Variants in POLR3B observed in about 807,000 individuals in gnomAD.
The protein encoded by POLR3B is DNA-directed RNA polymerase III subunit RPC2.
Under a neutral mutation model 147.4 loss-of-function variants are expected in POLR3B, and 96 were observed. The observed-to-expected ratio is 0.65, with a 90% CI of 0.55 to 0.77. The LOEUF (loss-of-function observed/expected upper bound fraction) is 0.77. Among genes scored for constraint, POLR3B ranks in the 30% least tolerant of loss-of-function variants. The pLI, the probability that POLR3B is intolerant of heterozygous loss-of-function variation, is 0.00. For missense variants in POLR3B, 1,036 were observed against 1,413.5 expected, an observed-to-expected ratio of 0.73 and a Z score of 4.28; for synonymous variants, 461 against 485.9, an observed-to-expected ratio of 0.95 and a Z score of 0.67.
At chr12:106,477,585 G>A (rs1041279292) in intron 23 of POLR3B, among the ~76,000 whole-genome samples, 1 of 151,954 alleles carries the variant, frequency 6.6e-6, no homozygotes, top group African/African-American at 2.4e-5. Context: ...TTTTTAAGCC[G>A]GTCTGAAAAG....
At chr12:106,448,169 T>G (rs1323481742) in intron 19 of POLR3B, among the ~76,000 whole-genome samples, 1 of 152,144 alleles carries the variant, frequency 6.6e-6, no homozygotes, top group East Asian at 1.9e-4. Flanking sequence ...GTTAAAAGTT[T>G]TTTTAATTAT....
At chr12:106,402,976 A>G (rs1437402765) in intron 10 of POLR3B, among the ~76,000 whole-genome samples, 1 of 152,084 alleles carries the variant, frequency 6.6e-6, no homozygotes, top group Non-Finnish European at 1.5e-5. Context: ...AATTAAACTA[A>G]AGAGCTTCTG....
At position 106,444,596 on chromosome 12, in the gene POLR3B, A is replaced by T. The variant is rs1403203510; in HGVS notation, c.2083+6A>T. On this transcript the variant is annotated splice_donor_region_variant and intron_variant, in intron 19 of 27. Coordinates refer to ENST00000228347, the MANE Select transcript of POLR3B (RefSeq NM_018082.6). Reference sequence around the variant, plus strand: ...CATGGGGAAACAAGCCATGGGTAAGATTTCCTTCTTGAAAGTTGGTTCTAA... The same window carrying T: ...CATGGGGAAACAAGCCATGGGTAAGTTTTCCTTCTTGAAAGTTGGTTCTAA... 6.2e-7 allele frequency: 1 copy of T among 1,613,598 alleles called. No homozygotes were observed. The highest frequency in any genetic ancestry group is 1.7e-5 in the Admixed American group (1 of 59,966).
At position 106,454,920 on chromosome 12, in the gene POLR3B, A is replaced by G. The variant is rs61941920; in HGVS notation, c.2293+209A>G. ...AATAATTTGTTAAACATACTACTAC[A>G]GAATATTTTTCTCCTTTATTATTTT... On this transcript the variant is annotated intron_variant, in intron 20 of 27. Coordinates refer to ENST00000228347, the MANE Select transcript of POLR3B (RefSeq NM_018082.6). Among the ~76,000 whole-genome samples, 38,509 of 152,090 alleles carry G rather than the reference A, an allele frequency of 0.25. 5,565 individuals are homozygous for G. Among genetic ancestry groups the G allele is most frequent in the African/African-American group, 0.39 (16,177 of 41,468 alleles).
chr12:106,378,913 A>T (rs2036719635), intron 8 of POLR3B, among the ~76,000 whole-genome samples: 1 of 152,166 alleles, frequency 6.6e-6, no homozygotes, highest in Non-Finnish European at 1.5e-5. Flanking sequence ...TTTCACGTGT[A>T]ATTTGAAATA....
chr12:106,478,302 A>G (rs905914723), intron 23 of POLR3B, among the ~76,000 whole-genome samples: 4 of 152,192 alleles, frequency 2.6e-5, no homozygotes, highest in Non-Finnish European at 5.9e-5. Flanking sequence ...TCTTTGTGCT[A>G]TAGCATTTTT....
intron 4 of POLR3B, among the ~76,000 whole-genome samples, chr12:106,367,772 T>C (rs887482368): frequency 4.6e-5 from 7 of 152,214 alleles, no homozygotes; most frequent in Non-Finnish European, 1.0e-4. Context: ...TTACTATTTT[T>C]CCTTTTGTAA....
intron 9 of POLR3B, among the ~76,000 whole-genome samples, chr12:106,382,360 G>T (rs2036775799): frequency 6.6e-6 from 1 of 152,078 alleles, no homozygotes; most frequent in Non-Finnish European, 1.5e-5. Context: ...TAACTATTAG[G>T]GTCTCTTGTA....
chr12:106,480,523 C>A (rs2038252072), intron 23 of POLR3B, among the ~76,000 whole-genome samples: 1 of 152,136 alleles, frequency 6.6e-6, no homozygotes, highest in African/African-American at 2.4e-5. Context: ...AGTGCATAGA[C>A]TTTAATTCCT....
intron 10 of POLR3B, among the ~76,000 whole-genome samples, chr12:106,393,422 G>T (rs2036938900): frequency 6.7e-6 from 1 of 148,270 alleles, no homozygotes; most frequent in Non-Finnish European, 1.5e-5. Context: ...AGGAAGTACT[G>T]TTTTTTTTTC....
chr12:106,444,627 T>G (rs1374255145), intron 19 of POLR3B, 37 bp downstream of exon 19: 1 of 1,607,332 alleles, frequency 6.2e-7, no homozygotes, highest in African/African-American at 1.3e-5. Flanking sequence ...TCTAAATACT[T>G]GGAAATACTT....
intron 23 of POLR3B, among the ~76,000 whole-genome samples, chr12:106,488,836 A>G (rs1565913139): frequency 6.6e-6 from 1 of 152,162 alleles, no homozygotes; most frequent in Non-Finnish European, 1.5e-5. Flanking sequence ...TTATTAGAAG[A>G]TTAACTACTC....
At chr12:106,415,763 GAA>G (rs1355798494) in intron 12 of POLR3B, among the ~76,000 whole-genome samples, 1 of 152,102 alleles carries the variant, frequency 6.6e-6, no homozygotes, top group Non-Finnish European at 1.5e-5. Flanking sequence ...TAAAATAGCA[GAA>G]GTCATTCTTA....
intron 9 of POLR3B, among the ~76,000 whole-genome samples, chr12:106,389,601 G>T (rs1470220529): frequency 6.8e-6 from 1 of 147,926 alleles, no homozygotes; most frequent in African/African-American, 2.5e-5. Flanking sequence ...AGGATTTCAG[G>T]TTTTTTTTTT....
chr12:106,443,042 A>G (rs1397541735), intron 18 of POLR3B, among the ~76,000 whole-genome samples: 3 of 152,236 alleles, frequency 2.0e-5, no homozygotes, highest in African/African-American at 7.2e-5. Context: ...CAAGCCACCT[A>G]TATAACCTCA....
chr12:106,393,649 C>T (rs1308161221), intron 10 of POLR3B, among the ~76,000 whole-genome samples: 3 of 151,720 alleles, frequency 2.0e-5, no homozygotes, highest in Admixed American at 2.0e-4. Flanking sequence ...CTTTGGACAG[C>T]AAGGAAAACC....
chr12:106,362,890 CTA>C (rs2036488050), intron 1 of POLR3B, among the ~76,000 whole-genome samples: 1 of 151,968 alleles, frequency 6.6e-6, no homozygotes, highest in Non-Finnish European at 1.5e-5. Context: ...GTTATGTGCT[CTA>C]TGTGGACATT....
At chr12:106,438,492 C>T (rs571312990) in intron 18 of POLR3B, among the ~76,000 whole-genome samples, 10 of 150,850 alleles carry the variant, frequency 6.6e-5, no homozygotes, top group African/African-American at 1.9e-4. Context: ...TATATAAAAC[C>T]ATATATATGT....
At chr12:106,457,057 AT>A (rs2037874330) in intron 20 of POLR3B, 80 bp from the exon 21 acceptor site, 1 of 1,215,896 alleles carries the variant, frequency 8.2e-7, no homozygotes, top group Admixed American at 1.7e-5. Context: ...GGTGGAGTGG[AT>A]TGTTGAGTAG....
Sources: allele counts gnomAD v4.1 joint callset (sites outside exome capture counted in the v4.1 genomes callset), GRCh38; gene constraint gnomAD v4.1.1; transcripts MANE v1.5; gene names NCBI Gene and HGNC (gene_info 2026-07-23, HGNC 2026-07-21).